ZAN: variants seen among roughly 807,000 people sequenced by gnomAD.
ZAN encodes zonadhesin.
Under a neutral mutation model 286.2 loss-of-function variants are expected in ZAN, and 260 were observed. That is an observed-to-expected ratio of 0.91 (90% CI 0.82 to 1.01). ZAN has a LOEUF of 1.01. ZAN is among the 50% of genes least tolerant of loss of function. The pLI is 0.00. For missense variants in ZAN, 3,410 were observed against 3,639.2 expected (o/e 0.94, Z 1.62); for synonymous variants, 1,368 against 1,417.5 (o/e 0.97, Z 0.79).
chr7:100,735,960 G>C (rs548157752), intron 3 of ZAN, among the ~76,000 whole-genome samples, 188 bp downstream of exon 3: 1 of 140,828 alleles, frequency 7.1e-6, no homozygotes, highest in Non-Finnish European at 1.6e-5. Context: ...TCATGACCCC[G>C]GACCTTGTCA....
chr7:100,760,683 C>T (rs1309392085), intron 19 of ZAN, 147 bp downstream of exon 19: 6 of 1,289,380 alleles, frequency 4.7e-6, no homozygotes, highest in Non-Finnish European at 6.4e-6. Context: ...TGGGAAGCAC[C>T]CTGCTTAAGT....
Position 100,738,857 on chromosome 7 carries a change from T to A in ZAN, c.766+244T>A, listed in dbSNP as rs550590964. 9.1e-5 allele frequency among the ~76,000 whole-genome samples: 6 copies of A among 65,924 alleles called. 1 individual carries two copies. The highest frequency in any genetic ancestry group is 1.8e-4 in the Non-Finnish European group (5 of 27,660). The allele number at this position is 65,924 out of a possible 152,430, so 43.2% of individuals were successfully genotyped here. On this transcript the variant is annotated intron_variant, in intron 7 of 47. Transcript: ENST00000613979. ...TTCTGTGGCTCTTCTTCTTCTTCTT[T>A]CTCTTCCTCTTCTTCTTCTCCCTCT...
chr7:100,736,986 GC>G lies in ZAN; in HGVS notation c.435del (p.Asp146MetfsTer31). On this transcript the variant is annotated frameshift_variant, in exon 5 of 48. Coordinates refer to ENST00000613979, the MANE Select transcript of ZAN (RefSeq NM_003386.3). LOFTEE classifies it high-confidence loss of function. The stretch of plus-strand genomic sequence containing the variant: ...CTGCTCTCGGGTGAAGAGGGCCGCC[GC>G]CCCGATGTGCTCTGGAAACACTGGA... ...LLLLSGEEGR[R>X]PDVLWKHWNT... is the part of the protein sequence containing the mutation. 6.7e-7 allele frequency: 1 copy of G among 1,502,122 alleles called. No homozygotes were observed. Among genetic ancestry groups the G allele is most frequent in the African/African-American group, 1.4e-5 (1 of 70,898 alleles). 93.0% of individuals were successfully genotyped at this position (1,502,122 alleles called of 1,614,324 possible).
In ZAN at chr7:100,738,440, C is replaced by T. The variant is rs1168944354; in HGVS notation, c.614-21C>T. 1.8e-5 allele frequency: 26 copies of T among 1,450,930 alleles called. 8 individuals are homozygous for T. Among genetic ancestry groups the T allele is most frequent in the Non-Finnish European group, 2.4e-5 (26 of 1,066,774 alleles). The allele number at this position is 1,450,930 out of a possible 1,614,324, so 89.9% of individuals were successfully genotyped here. On this transcript the variant is annotated intron_variant, in intron 6 of 47. Coordinates refer to ENST00000613979, the MANE Select transcript of ZAN (RefSeq NM_003386.3). ...AAAAAAGAAGAAAACATTATATCTT[C>T]CCTTCTTTCTTTCCTCTCAGTCTGT...
chr7:100,783,656 C>G (rs1196667568), intron 35 of ZAN, among the ~76,000 whole-genome samples: 2 of 136,696 alleles, frequency 1.5e-5, no homozygotes, highest in Admixed American at 1.6e-4. Context: ...ATCTCTGGAA[C>G]CAGGGAGGCA....
At chr7:100,791,175 G>A (rs1254464926) in intron 40 of ZAN, 62 bp downstream of exon 40, 268 of 1,550,776 alleles carry the variant, frequency 1.7e-4, no homozygotes, top group Non-Finnish European at 2.3e-4. Flanking sequence ...CACGGTGGCC[G>A]CTAGCCCTCC....
At chr7:100,759,533 G>A (rs888564401) in intron 17 of ZAN, among the ~76,000 whole-genome samples, 188 bp from the exon 18 acceptor site, 13 of 152,282 alleles carry the variant, frequency 8.5e-5, no homozygotes, top group African/African-American at 2.9e-4. Flanking sequence ...GACACGCTGC[G>A]GCTGCAGGCT....
rs540200393 is a variant in ZAN at position 100,737,705 on chromosome 7, CA to C, written c.613+369del. 8.8e-3 allele frequency among the ~76,000 whole-genome samples: 879 copies of C among 99,962 alleles called. 78 individuals carry two copies. Among genetic ancestry groups the C allele is most frequent in the African/African-American group, 0.025 (674 of 27,510 alleles). The allele number at this position is 99,962 out of a possible 152,430, so 65.6% of individuals were successfully genotyped here. On this transcript the variant is annotated intron_variant, in intron 6 of 47. Transcript: ENST00000613979. ...TTGGCGATGGAGTGAGACTCCGTCT[CA>C]AAAAAAAAAAAAGAAGAATGAGAAA...
rs117715617 is a variant in ZAN, at chr7:100,793,287, C to T, written c.7788-533C>T. 1.6e-3 allele frequency among the ~76,000 whole-genome samples: 230 copies of T among 147,058 alleles called. 3 individuals are homozygous for T. In the East Asian group the frequency reaches 0.042, roughly 27 times the overall value. The stretch of plus-strand genomic sequence containing the variant: ...CCAGGAGTTGGAGGCTGCAGTGAGC[C>T]GTGATCACGCCAGCCTGGGCACTCC... On this transcript the variant is annotated intron_variant, in intron 42 of 47. Transcript: ENST00000613979.
intron 15 of ZAN, 64 bp downstream of exon 15, chr7:100,755,474 C>T: frequency 1.3e-6 from 2 of 1,560,486 alleles, no homozygotes; most frequent in South Asian, 1.2e-5. Flanking sequence ...TGGGTTCCAG[C>T]TCCATCTGCT....
In ZAN at chr7:100,790,997, C is replaced by T. The variant is rs1811909292; in HGVS notation, c.7413C>T (p.Tyr2471=). 7 of 1,611,888 alleles carry T rather than the reference C, an allele frequency of 4.3e-6. No homozygotes were observed. Among genetic ancestry groups the T allele is most frequent in the African/African-American group, 2.7e-5 (2 of 74,846 alleles). The change falls in exon 40 of 48, where the codon TAC becomes TAT. Residue 2471 remains tyrosine, a synonymous_variant. Coordinates refer to ENST00000613979, the MANE Select transcript of ZAN (RefSeq NM_003386.3). ...TTGTGAGTGGCCTGTGCGGAAACTA[C>T]GACAAGAACCGCAAGAATGACATGA... ...EGLVSGLCGN[Y]DKNRKNDMML...
chr7:100,779,844 CCTGA>C (rs557422830), intron 35 of ZAN, 94 bp downstream of exon 35: 294 of 1,309,198 alleles, frequency 2.2e-4, no homozygotes, highest in Middle Eastern at 5.4e-4. Flanking sequence ...CCTGTTCGTT[CCTGA>C]CTAACTCAGC....
Position 100,752,134 on chromosome 7 carries a change from A to G in ZAN, c.2029A>G (p.Ile677Val). Reference sequence around the variant, plus strand: ...CACCACCTCCATGGAAGAGCCTGTCATCCCTACAGAAAAACCCAGCATCCC... The same window carrying G: ...CACCACCTCCATGGAAGAGCCTGTCGTCCCTACAGAAAAACCCAGCATCCC... Reference protein sequence around the residue: ...ETTTSMEEPVIPTEKPSIPTE... With the variant: ...ETTTSMEEPVVPTEKPSIPTE... Residue 677 changes from isoleucine to valine, a missense_variant, in exon 14 of 48, where the codon ATC (isoleucine) becomes GTC (valine). Coordinates refer to ENST00000613979, the MANE Select transcript of ZAN (RefSeq NM_003386.3). 2 of 1,610,906 alleles carry G rather than the reference A, an allele frequency of 1.2e-6. No homozygotes were observed. The highest frequency in any genetic ancestry group is 1.7e-6 in the Non-Finnish European group (2 of 1,179,052).
chr7:100,795,407 A>G, intron 45 of ZAN, 71 bp downstream of exon 45: 1 of 1,381,982 alleles, frequency 7.2e-7, no homozygotes, highest in South Asian at 1.8e-5. Flanking sequence ...ATGATTCTAT[A>G]TGTATTATAT....
At chr7:100,766,483 A>C (rs762065037) in intron 23 of ZAN, 42 bp from the exon 24 acceptor site, 8 of 657,588 alleles carry the variant, frequency 1.2e-5, no homozygotes, top group Non-Finnish European at 1.6e-5. Context: ...AAAACAAAGC[A>C]AAAAAAAACA....
chr7:100,775,900 TG>T (rs894900558), intron 33 of ZAN, 67 bp downstream of exon 33: 5 of 1,577,796 alleles, frequency 3.2e-6, no homozygotes, highest in African/African-American at 2.7e-5. Flanking sequence ...CCGGCAGGGA[TG>T]GGGGGCAGTG....
rs1246110075 is a variant in ZAN, at chr7:100,758,320, G to T, written c.3428G>T (p.Gly1143Val). 6.2e-7 allele frequency: 1 copy of T among 1,613,110 alleles called. No individual in the cohort carries two copies. The highest frequency in any genetic ancestry group is 1.3e-5 in the African/African-American group (1 of 74,916). ...GTHTVCQLKN[G>V]QYGCHPYAGT... ...CACACCGTGTGCCAGCTTAAGAATGGCCAGTATGGATGCCACCCCTACGGT... is the reference window on the plus strand; with the variant it reads ...CACACCGTGTGCCAGCTTAAGAATGTCCAGTATGGATGCCACCCCTACGGT... Residue 1143 changes from glycine (G) to valine (V), a missense_variant, in exon 16 of 48, where the codon GGC (glycine) becomes GTC (valine). Transcript: ENST00000613979.
At chr7:100,745,748 G>T (rs1195622917) in intron 7 of ZAN, among the ~76,000 whole-genome samples, 1 of 151,242 alleles carries the variant, frequency 6.6e-6, no homozygotes, top group African/African-American at 2.4e-5. Context: ...TAGCTGGGCG[G>T]ACTCCAGGTC....
chr7:100,742,689 AC>A (rs1477298502), intron 7 of ZAN, among the ~76,000 whole-genome samples: 2 of 78,454 alleles, frequency 2.5e-5, no homozygotes, highest in African/African-American at 5.1e-5. Flanking sequence ...ACACAGCGAA[AC>A]CCCGTCTCCA....
Sources: allele counts gnomAD v4.1 joint callset (sites outside exome capture counted in the v4.1 genomes callset), GRCh38; gene constraint gnomAD v4.1.1; transcripts MANE v1.5; gene names NCBI Gene and HGNC (gene_info 2026-07-23, HGNC 2026-07-21).